Variants in KIF21A observed in about 807,000 individuals in gnomAD.
KIF21A encodes the protein kinesin family member 21A.
A neutral mutation model predicts 202.9 loss-of-function variants in KIF21A; 114 were observed. The ratio of observed to expected loss-of-function variants is 0.56; its 90% CI spans 0.48 to 0.66. The LOEUF (loss-of-function observed/expected upper bound fraction) is 0.66, where lower values mean the gene tolerates loss of function less well. Ranked by LOEUF, KIF21A falls within the 30% of genes least tolerant of loss-of-function variation. The probability of loss-of-function intolerance (pLI) is 0.00; values close to 1 mark genes in which losing one functional copy is unlikely to be tolerated. For synonymous variants in KIF21A, 667 were observed against 670.8 expected (o/e 0.99, Z 0.09); for missense variants, 1,677 against 1,994.9 (o/e 0.84, Z 3.04).
At position 39,376,343 on chromosome 12, in the gene KIF21A, C is replaced by T. The variant is rs536921728; in HGVS notation, c.45-6082G>A. 3.9e-5 allele frequency among the ~76,000 whole-genome samples: 6 copies of T among 152,200 alleles called. No homozygotes were observed. In the East Asian group the frequency reaches 7.7e-4, roughly 20 times the overall value. Reference sequence around the variant, plus strand: ...TAATCAAGTCCCAATCATCCTTCTACTTTTATCAGTATAGGGTACAATAGG... The same window carrying T: ...TAATCAAGTCCCAATCATCCTTCTATTTTTATCAGTATAGGGTACAATAGG... On this transcript the variant is annotated intron_variant, in intron 1 of 37. Coordinates refer to ENST00000361418, the MANE Select transcript of KIF21A (RefSeq NM_001173464.2).
intron 1 of KIF21A, among the ~76,000 whole-genome samples, chr12:39,376,421 T>C (rs911578015): frequency 2.0e-5 from 3 of 152,076 alleles, no homozygotes; most frequent in Admixed American, 1.3e-4. Context: ...TTTATAGACA[T>C]GTAACCAGTA....
chr12:39,357,197 TC>T, intron 9 of KIF21A, 50 bp downstream of exon 9: 20 of 1,479,348 alleles, frequency 1.4e-5, no homozygotes, highest in Non-Finnish European at 1.9e-5. Context: ...CAAAGAATGT[TC>T]CCTGCCCTCC....
Position 39,331,763 on chromosome 12 carries a change from G to T in KIF21A, c.3080C>A (p.Ala1027Glu). 3 of 1,612,840 alleles carry T rather than the reference G, an allele frequency of 1.9e-6. No individual in the cohort carries two copies. Among genetic ancestry groups the T allele is most frequent in the Non-Finnish European group, 2.5e-6 (3 of 1,178,962 alleles). ...KEEGETLDVTAVINACTLTEA... is the reference protein window; with the variant it reads ...KEEGETLDVTEVINACTLTEA... ...TGTAAGGGTGCAGGCATTAATGACTGCAGTAACATCCAATGTCTCACCTTC... is the reference window on the plus strand; with the variant it reads ...TGTAAGGGTGCAGGCATTAATGACTTCAGTAACATCCAATGTCTCACCTTC... The change falls in exon 22 of 38, where the codon GCA (alanine) becomes GAA (glutamate). Residue 1027 changes from alanine to glutamate, a missense_variant. Ala to Glu is a moderately radical substitution (Grantham distance 107, BLOSUM62 -1). Coordinates refer to ENST00000361418, the MANE Select transcript of KIF21A (RefSeq NM_001173464.2).
chr12:39,424,931 C>T (rs112156496), intron 1 of KIF21A, among the ~76,000 whole-genome samples: 2 of 152,100 alleles, frequency 1.3e-5, no homozygotes, highest in African/African-American at 2.4e-5. Flanking sequence ...CTAAAATTTC[C>T]ACCCAGACCT....
intron 35 of KIF21A, among the ~76,000 whole-genome samples, chr12:39,304,237 A>G (rs924765098): frequency 6.6e-6 from 1 of 152,138 alleles, no homozygotes; most frequent in African/African-American, 2.4e-5. Context: ...CCTTCTTCCT[A>G]TTGATTCTCA....
chr12:39,386,306 T>A (rs139352520), intron 1 of KIF21A, among the ~76,000 whole-genome samples: 6 of 152,136 alleles, frequency 3.9e-5, no homozygotes, highest in African/African-American at 7.2e-5. Context: ...CCAGATCATG[T>A]GAATGGGGGT....
At position 39,356,845 on chromosome 12, in the gene KIF21A, T is replaced by C. The variant is rs916797963; in HGVS notation, c.1456A>G (p.Ile486Val). The C allele has an allele frequency of 8.2e-7, 1 of 1,222,298 alleles. No individual in the cohort carries two copies. The highest frequency in any genetic ancestry group is 1.7e-5 in the Admixed American group (1 of 59,090). The allele number at this position is 1,222,298 out of a possible 1,614,324, so 75.7% of individuals were successfully genotyped here. Residue 486 changes from isoleucine to valine, a missense_variant, in exon 10 of 38, where the codon ATC (isoleucine) becomes GTC (valine). Ile to Val is a conservative substitution (Grantham distance 29). Around this residue, in one of 3 missense-constraint regions of KIF21A, gnomAD observed 966 missense variants for 1,180.9 expected, o/e 0.82. Coordinates refer to ENST00000361418, the MANE Select transcript of KIF21A (RefSeq NM_001173464.2). ...CATGAACTATACCTGAGATCTTCGA[T>C]TTCTTTTATATAACTATGAATCATA... ...SNMIHSYIKE[I>V]EDLRAKLLES...
intron 24 of KIF21A, among the ~76,000 whole-genome samples, chr12:39,326,602 A>G (rs1239662106): frequency 1.3e-5 from 2 of 152,236 alleles, no homozygotes; most frequent in Non-Finnish European, 2.9e-5. Context: ...AGATGGGTAC[A>G]TATGAATACT....
chr12:39,425,503 A>C (rs1275204039), intron 1 of KIF21A, among the ~76,000 whole-genome samples: 3 of 152,234 alleles, frequency 2.0e-5, no homozygotes, highest in Non-Finnish European at 2.9e-5. Flanking sequence ...CAAGAAATAA[A>C]AGAGCCTATC....
At chr12:39,373,213 G>C (rs1950070159) in intron 1 of KIF21A, among the ~76,000 whole-genome samples, 1 of 152,236 alleles carries the variant, frequency 6.6e-6, no homozygotes, top group East Asian at 1.9e-4. Context: ...TTGCATTAAA[G>C]GATTTTCACT....
intron 1 of KIF21A, among the ~76,000 whole-genome samples, chr12:39,436,449 T>TA (rs1491365902): frequency 0.064 from 5,444 of 84,628 alleles, 181 homozygotes; most frequent in South Asian, 0.16. Flanking sequence ...TATATATATA[T>TA]TTTTTTTTTT....
intron 31 of KIF21A, among the ~76,000 whole-genome samples, chr12:39,313,232 C>T (rs1474816198): frequency 6.6e-6 from 1 of 151,798 alleles, no homozygotes; most frequent in African/African-American, 2.4e-5. Flanking sequence ...AGGGACAAAA[C>T]ATGTAGACCT....
At chr12:39,367,799 C>A in intron 4 of KIF21A, 84 bp downstream of exon 4, 3 of 1,056,772 alleles carry the variant, frequency 2.8e-6, no homozygotes, top group South Asian at 1.4e-5. Flanking sequence ...AATTTCATAT[C>A]TTGATCTTAA....
chr12:39,346,580 TAAG>T (rs979649287), intron 11 of KIF21A, 76 bp from the exon 12 acceptor site: 8 of 1,010,836 alleles, frequency 7.9e-6, no homozygotes, highest in Middle Eastern at 2.2e-4. Context: ...GCGAAAGTGA[TAAG>T]AAGGTAAAAA....
At position 39,333,127 on chromosome 12, in the gene KIF21A, T is replaced by A; in HGVS notation, c.2488-20A>T. 6.2e-7 allele frequency: 1 copy of A among 1,610,658 alleles called. No homozygotes were observed. ...CGTAACCTGAAATTGCAGCAAAGGTTGACTCATTCTCTTAGTCTATAGAAA... is the reference window on the plus strand; with the variant it reads ...CGTAACCTGAAATTGCAGCAAAGGTAGACTCATTCTCTTAGTCTATAGAAA... On this transcript the variant is annotated intron_variant, in intron 18 of 37. Coordinates refer to ENST00000361418, the MANE Select transcript of KIF21A (RefSeq NM_001173464.2).
At chr12:39,300,188 T>G (rs1592012954) in intron 37 of KIF21A, among the ~76,000 whole-genome samples, 1 of 152,288 alleles carries the variant, frequency 6.6e-6, no homozygotes, top group African/African-American at 2.4e-5. Flanking sequence ...ACATTACATG[T>G]CAATCCCCAG....
chr12:39,427,904 C>G (rs570257530), intron 1 of KIF21A, among the ~76,000 whole-genome samples: 2 of 152,342 alleles, frequency 1.3e-5, no homozygotes, highest in African/African-American at 4.8e-5. Context: ...GATGATCCAG[C>G]TGCCTCAGCC....
chr12:39,322,922 T>C, intron 26 of KIF21A, 40 bp from the exon 27 acceptor site: 1 of 1,332,438 alleles, frequency 7.5e-7, no homozygotes, highest in Non-Finnish European at 1.0e-6. Flanking sequence ...AGGAGCAAAC[T>C]CTTGCATAGA....
At chr12:39,383,817 CTG>C (rs1463276796) in intron 1 of KIF21A, among the ~76,000 whole-genome samples, 4 of 151,954 alleles carry the variant, frequency 2.6e-5, no homozygotes, top group African/African-American at 9.7e-5. Flanking sequence ...AAATAAATAA[CTG>C]TAATTAAAAA....
Sources: allele counts gnomAD v4.1 joint callset (sites outside exome capture counted in the v4.1 genomes callset), GRCh38; gene constraint gnomAD v4.1.1; regional missense constraint gnomAD v4.1.1; transcripts MANE v1.5; gene names NCBI Gene and HGNC (gene_info 2026-07-23, HGNC 2026-07-21).